Variants in ATP2B2 observed in about 807,000 individuals in gnomAD.
ATP2B2 encodes the protein plasma membrane calcium-transporting ATPase 2.
In ATP2B2, 15 loss-of-function variants were observed where a neutral mutation model predicts 120.0. That is an observed-to-expected ratio of 0.12 (90% confidence interval 0.08 to 0.19). ATP2B2 has a LOEUF of 0.19. Among genes scored for constraint, ATP2B2 ranks in the 10% least tolerant of loss-of-function variants. The pLI is 1.00. For synonymous variants in ATP2B2, 694 were observed against 700.3 expected (o/e 0.99, Z 0.14); for missense variants, 1,045 against 1,719.8 (o/e 0.61, Z 6.94).
chr3:10,412,358 A>T (rs1392808870), intron 2 of ATP2B2, among the ~76,000 whole-genome samples: 2 of 151,142 alleles, frequency 1.3e-5, no homozygotes, highest in Non-Finnish European at 3.0e-5. Flanking sequence ...GGTGGGGAAG[A>T]CTCCCTCTGT....
At chr3:10,484,284 C>G (rs753157161) in intron 1 of ATP2B2, among the ~76,000 whole-genome samples, 1 of 152,080 alleles carries the variant, frequency 6.6e-6, no homozygotes, top group Non-Finnish European at 1.5e-5. Flanking sequence ...GGGGGCAGAT[C>G]CTAAAGAGCT....
rs148619340 is a variant in ATP2B2, at chr3:10,491,901, C to G, written c.-320+13564G>C. On this transcript the variant is annotated intron_variant, in intron 1 of 22. Transcript: ENST00000360273. ...TTCCAATAAAACTATGACGTGCTGT[C>G]AACTGCAAGACATATCCTGACTTCA... 3.9e-5 allele frequency among the ~76,000 whole-genome samples: 6 copies of G among 152,236 alleles called. No homozygotes were observed. In the East Asian group the frequency reaches 1.2e-3, roughly 29 times the overall value.
chr3:10,394,544 T>C (rs1248140852), intron 5 of ATP2B2: 6 of 468,438 alleles, frequency 1.3e-5, no homozygotes, highest in African/African-American at 6.0e-5. Context: ...GGCAGGGTAG[T>C]GTAATGGAGA....
intron 1 of ATP2B2, among the ~76,000 whole-genome samples, chr3:10,468,320 G>A (rs1373781366): frequency 1.3e-5 from 2 of 152,228 alleles, no homozygotes; most frequent in African/African-American, 4.8e-5. Flanking sequence ...GGCCCAGCGG[G>A]CTGGGTGTGA....
At chr3:10,518,842 G>C (rs1426765105) in intron 3 of ATP2B2, among the ~76,000 whole-genome samples, 4 of 152,198 alleles carry the variant, frequency 2.6e-5, no homozygotes, top group Non-Finnish European at 5.9e-5. Context: ...GTGGGGCAGG[G>C]ATTTTGTTCT....
chr3:10,509,433 C>T (rs2066715507), upstream of ATP2B2, among the ~76,000 whole-genome samples: 1 of 152,164 alleles, frequency 6.6e-6, no homozygotes, highest in African/African-American at 2.4e-5. Flanking sequence ...AGGTCTCTCA[C>T]ATTCCTGTCT....
chr3:10,630,338 C>T (rs1465640215), intron 1 of ATP2B2, among the ~76,000 whole-genome samples: 1 of 152,088 alleles, frequency 6.6e-6, no homozygotes, highest in Non-Finnish European at 1.5e-5. Context: ...ACCAAGAGGT[C>T]CCAGTGTCTG....
intron 16 of ATP2B2, among the ~76,000 whole-genome samples, chr3:10,348,650 C>A (rs2060493645): frequency 6.6e-6 from 1 of 152,246 alleles, no homozygotes; most frequent in South Asian, 2.1e-4. Flanking sequence ...CCTACCAACC[C>A]TGGAGCCCAT....
intron 1 of ATP2B2, among the ~76,000 whole-genome samples, chr3:10,702,110 G>C (rs1429293857): frequency 6.6e-6 from 1 of 152,122 alleles, no homozygotes; most frequent in East Asian, 1.9e-4. Flanking sequence ...CCGCTACCCA[G>C]AGTGGCTACC....
chr3:10,577,051 CA>C (rs71055823), intron 2 of ATP2B2, among the ~76,000 whole-genome samples: 3,652 of 109,304 alleles, frequency 0.033, 66 homozygotes, highest in Admixed American at 0.048. Context: ...GACTCTGTGT[CA>C]AAAAAAAAAA....
intron 2 of ATP2B2, 22 bp downstream of exon 2, chr3:10,449,323 G>C (rs2063947857): frequency 6.2e-7 from 1 of 1,613,712 alleles, no homozygotes; most frequent in Non-Finnish European, 8.5e-7. Flanking sequence ...TGCAGCCCTG[G>C]GTTCAAGTCT....
At chr3:10,394,292 A>G (rs924719144) in intron 5 of ATP2B2, among the ~76,000 whole-genome samples, 1 of 152,094 alleles carries the variant, frequency 6.6e-6, no homozygotes, top group African/African-American at 2.4e-5. Flanking sequence ...TTCCATTATT[A>G]TTGTTATTAA....
chr3:10,690,952 T>C lies in ATP2B2; in HGVS notation c.-460+16963A>G, dbSNP rs543370136. Among the ~76,000 whole-genome samples the C allele has an allele frequency of 6.6e-5, 10 of 152,358 alleles. No homozygotes were observed. The East Asian group carries it at 1.5e-3, about 23-fold the overall frequency. ...GATGAATCTCAAATGCCTAAGACAGTGCCTGGCACATAGTAGGTGCTGAAC... is the reference window on the plus strand; with the variant it reads ...GATGAATCTCAAATGCCTAAGACAGCGCCTGGCACATAGTAGGTGCTGAAC... On this transcript the variant is annotated intron_variant, in intron 1 of 21. Transcript: ENST00000646379.
chr3:10,390,706 T>C (rs1022223322), intron 5 of ATP2B2, among the ~76,000 whole-genome samples: 2 of 152,178 alleles, frequency 1.3e-5, no homozygotes, highest in Admixed American at 6.5e-5. Flanking sequence ...GATTCTCAGA[T>C]GGCAAGCTCT....
At chr3:10,353,690 C>T (rs1379080151) in intron 14 of ATP2B2, among the ~76,000 whole-genome samples, 3 of 152,212 alleles carry the variant, frequency 2.0e-5, no homozygotes, top group African/African-American at 7.2e-5. Context: ...GACTGTCTCC[C>T]AGAGCCAAAA....
rs2125313480 is a variant in ATP2B2 at position 10,327,349 on chromosome 3, G to A, written c.*1465C>T. 1 of 152,964 alleles carries A rather than the reference G, an allele frequency of 6.5e-6. No individual in the cohort carries two copies. The highest frequency in any genetic ancestry group is 1.9e-4 in the East Asian group (1 of 5,198). The allele number at this position is 152,964 out of a possible 1,614,324, so 9.5% of individuals were successfully genotyped here. ...ATTGTGACTACAGGAAGACAATTTGGTTTAAAATCACACTGAGTACATCTC... is the reference window on the plus strand; with the variant it reads ...ATTGTGACTACAGGAAGACAATTTGATTTAAAATCACACTGAGTACATCTC... On this transcript the variant is annotated 3_prime_UTR_variant, in exon 23 of 23. Transcript: ENST00000360273.
At chr3:10,515,468 G>A (rs1374716555) in intron 3 of ATP2B2, among the ~76,000 whole-genome samples, 1 of 152,204 alleles carries the variant, frequency 6.6e-6, no homozygotes, top group Non-Finnish European at 1.5e-5. Context: ...CCCCATGGGA[G>A]TGTCTCAATC....
chr3:10,401,598 A>G (rs2062221954), intron 4 of ATP2B2, among the ~76,000 whole-genome samples: 1 of 152,210 alleles, frequency 6.6e-6, no homozygotes, highest in Admixed American at 6.5e-5. Context: ...CTTTGGTGCC[A>G]GCCTGCCCGT....
intron 2 of ATP2B2, among the ~76,000 whole-genome samples, chr3:10,608,565 T>C (rs768865735): frequency 2.6e-5 from 4 of 152,370 alleles, no homozygotes; most frequent in Non-Finnish European, 5.9e-5. Context: ...TGCTCAGACC[T>C]GCCGAGCCCG....
Sources: allele counts gnomAD v4.1 joint callset (sites outside exome capture counted in the v4.1 genomes callset), GRCh38; gene constraint gnomAD v4.1.1; transcripts MANE v1.5; gene names NCBI Gene and HGNC (gene_info 2026-07-23, HGNC 2026-07-21).